SLC43A1: variants seen among roughly 807,000 people sequenced by gnomAD.
SLC43A1 encodes large neutral amino acids transporter small subunit 3.
In SLC43A1, 31 loss-of-function variants were observed where a neutral mutation model predicts 59.5. The observed-to-expected ratio is 0.52, with a 90% CI of 0.39 to 0.70. The LOEUF (loss-of-function observed/expected upper bound fraction) is 0.70, where lower values mean the gene tolerates loss of function less well. SLC43A1 is among the 30% of genes least tolerant of loss of function. The pLI is 0.00. For missense variants in SLC43A1, 598 were observed against 717.8 expected (o/e 0.83, Z 1.91); for synonymous variants, 259 against 290.9 (o/e 0.89, Z 1.12).
intron 2 of SLC43A1, among the ~76,000 whole-genome samples, chr11:57,504,065 T>C (rs60012948): frequency 0.12 from 17,528 of 151,600 alleles, 1,169 homozygotes; most frequent in African/African-American, 0.18. Flanking sequence ...GGCGTGGTGG[T>C]GGGCGCCCGT....
intron 2 of SLC43A1, among the ~76,000 whole-genome samples, chr11:57,512,774 C>A (rs538104209): frequency 3.3e-5 from 5 of 150,442 alleles, no homozygotes; most frequent in South Asian, 2.1e-4. Context: ...CCTCCAGCCC[C>A]TGTCACCCCA....
intron 12 of SLC43A1, 89 bp downstream of exon 12, chr11:57,489,162 C>A: frequency 2.6e-6 from 4 of 1,524,042 alleles, no homozygotes; most frequent in Non-Finnish European, 3.6e-6. Context: ...AAGACCAGAA[C>A]TGCGCTTCCT....
At chr11:57,485,684 G>A (rs1943709462) in intron 14 of SLC43A1, among the ~76,000 whole-genome samples, 1 of 152,216 alleles carries the variant, frequency 6.6e-6, no homozygotes, top group African/African-American at 2.4e-5. Context: ...GTGGACAGAA[G>A]GCTTGGAAGG....
chr11:57,495,459 A>AAAAT (rs963424779), intron 7 of SLC43A1, among the ~76,000 whole-genome samples: 50 of 152,132 alleles, frequency 3.3e-4, no homozygotes, highest in Admixed American at 1.1e-3. Flanking sequence ...CTCTGTCTCA[A>AAAAT]AAATAAATAA....
intron 6 of SLC43A1, 97 bp downstream of exon 6, chr11:57,497,656 G>A (rs546266343): frequency 2.6e-5 from 21 of 793,446 alleles, no homozygotes; most frequent in Admixed American, 1.2e-4. Flanking sequence ...AAAGGAGAGC[G>A]GAGAAGTCAG....
In SLC43A1 at chr11:57,494,052, C is replaced by G. The variant is rs2135167865; in HGVS notation, c.812G>C (p.Gly271Ala). The change falls in exon 8 of 15, where the codon GGT (glycine) becomes GCT (alanine). Residue 271 changes from glycine to alanine, a missense_variant. By Grantham distance (60) the Gly-to-Ala change is moderately conservative. Transcript: ENST00000278426. Reference sequence around the variant, plus strand: ...CTGGGGTGACATGAAGGCATCCGAACCGTCCTCCAGGCTGGGGGCCTTCTG... The same window carrying G: ...CTGGGGTGACATGAAGGCATCCGAAGCGTCCTCCAGGCTGGGGGCCTTCTG... The part of the protein sequence containing the change: ...LSQKAPSLED[G>A]SDAFMSPQDV... 1 of 1,611,072 alleles carries G rather than the reference C, an allele frequency of 6.2e-7. No homozygotes were observed. The highest frequency in any genetic ancestry group is 1.3e-5 in the African/African-American group (1 of 74,836).
In SLC43A1 at chr11:57,491,698, G is replaced by T. The variant is rs752344384; in HGVS notation, c.1018+18C>A. ...CCGCCTGTGCCCCCAACCCCCAGGGGCCTCAGCGGTGCCTCACCATGCTCC... is the reference window on the plus strand; with the variant it reads ...CCGCCTGTGCCCCCAACCCCCAGGGTCCTCAGCGGTGCCTCACCATGCTCC... On this transcript the variant is annotated intron_variant, in intron 9 of 14. Coordinates refer to ENST00000278426, the MANE Select transcript of SLC43A1 (RefSeq NM_003627.6). 2.5e-6 allele frequency: 4 copies of T among 1,614,250 alleles called. No homozygotes were observed. The highest frequency in any genetic ancestry group is 3.4e-6 in the Non-Finnish European group (4 of 1,180,046).
chr11:57,488,959 GA>G lies in SLC43A1; in HGVS notation c.1365del (p.Arg456GlufsTer24). The G allele has an allele frequency of 6.2e-7, 1 of 1,614,154 alleles. No individual in the cohort carries two copies. Among genetic ancestry groups the G allele is most frequent in the Non-Finnish European group, 8.5e-7 (1 of 1,179,980 alleles). ...CCACAGGCTGAGTGGAAGAAACCTC[GA>G]ACAATGGTGTGCAGGACAAAGGTCA... ...QFVTFVLHTIVRGFFHSACGS... is the reference protein window; with the variant it reads ...QFVTFVLHTIXRGFFHSACGS... On this transcript the variant is annotated frameshift_variant, in exon 13 of 15. Coordinates refer to ENST00000278426, the MANE Select transcript of SLC43A1 (RefSeq NM_003627.6). LOFTEE classifies it high-confidence loss of function.
chr11:57,500,672 G>A (rs553902183), intron 5 of SLC43A1, 107 bp downstream of exon 5: 59 of 933,828 alleles, frequency 6.3e-5, no homozygotes, highest in South Asian at 5.9e-4. Flanking sequence ...AGTGATCTGC[G>A]TCCACAGGCC....
At chr11:57,485,265 CAG>C in intron 14 of SLC43A1, 23 bp from the exon 15 acceptor site, 1 of 1,601,702 alleles carries the variant, frequency 6.2e-7, no homozygotes, top group Non-Finnish European at 8.5e-7. Context: ...GAGAGAGAAA[CAG>C]AGTCAAGTAG....
rs1944172081 is a variant in SLC43A1 at position 57,499,020 on chromosome 11, C to A, written c.466-1175G>T. Among the ~76,000 whole-genome samples, 3 of 152,210 alleles carry A rather than the reference C, an allele frequency of 2.0e-5. No individual in the cohort carries two copies. In the South Asian group the frequency reaches 6.2e-4, roughly 32 times the overall value. ...AGACTCTGAAGGGAGGCCTCAACAG[C>A]TCTGGTAAAAAAGGCGTTTAGGCCG... On this transcript the variant is annotated intron_variant, in intron 5 of 14. Transcript: ENST00000278426.
intron 7 of SLC43A1, among the ~76,000 whole-genome samples, chr11:57,494,731 G>A (rs1459400766): frequency 1.3e-5 from 2 of 152,150 alleles, no homozygotes; most frequent in Non-Finnish European, 2.9e-5. Context: ...AAGATGGGGT[G>A]CTTGATTCTT....
chr11:57,495,234 A>G (rs772491544), intron 7 of SLC43A1, among the ~76,000 whole-genome samples: 9 of 151,898 alleles, frequency 5.9e-5, no homozygotes, highest in Non-Finnish European at 1.2e-4. Flanking sequence ...CACGCCTGCA[A>G]TCCCAGCACT....
In SLC43A1 at chr11:57,513,952, G is replaced by GC; in HGVS notation, c.154+5dup. 1 of 1,558,474 alleles carries GC rather than the reference G, an allele frequency of 6.4e-7. No individual in the cohort carries two copies. The highest frequency in any genetic ancestry group is 8.8e-7 in the Non-Finnish European group (1 of 1,142,590). ...CCCAGCCCACCCAGCCCATTTTCAG[G>GC]CATACCTGGGCACGTGCTGGAATAG... On this transcript the variant is annotated splice_donor_region_variant and intron_variant, in intron 2 of 14. Coordinates refer to ENST00000278426, the MANE Select transcript of SLC43A1 (RefSeq NM_003627.6).
chr11:57,508,337 T>C lies in SLC43A1; in HGVS notation c.154+5621A>G, dbSNP rs939646137. On this transcript the variant is annotated intron_variant, in intron 2 of 14. Transcript: ENST00000278426. ...TAAGCTTCAATCACCCAACAGCACA[T>C]AGCGGAGTTGGAAGTCTGCCTCTTT... 4.6e-5 allele frequency among the ~76,000 whole-genome samples: 7 copies of C among 151,252 alleles called. No individual in the cohort carries two copies. In the East Asian group the frequency reaches 1.4e-3, roughly 29 times the overall value.
chr11:57,514,028 A>G lies in SLC43A1; in HGVS notation c.84T>C (p.Ala28=). Residue 28 remains alanine, a synonymous_variant, in exon 2 of 15, where the codon GCT becomes GCC. Coordinates refer to ENST00000278426, the MANE Select transcript of SLC43A1 (RefSeq NM_003627.6). This position sits in a 1 kb window ranked among gnomAD's most constrained non-coding sequence, Gnocchi z 5.5. ...ACAGGGAGCCCCAGCCCAGGAGTAC[A>G]GCAGAGAAGAAGAGGTTCTCCAGCA... ...TAVLENLFFS[A]VLLGWGSLLI... is the part of the protein sequence containing the mutation. 6.2e-7 allele frequency: 1 copy of G among 1,608,792 alleles called. No homozygotes were observed. The highest frequency in any genetic ancestry group is 8.5e-7 in the Non-Finnish European group (1 of 1,177,650).
intron 2 of SLC43A1, 99 bp from the exon 3 acceptor site, chr11:57,501,428 G>C (rs1245529799): frequency 4.7e-6 from 6 of 1,283,142 alleles, no homozygotes; most frequent in Non-Finnish European, 6.6e-6. Flanking sequence ...CAAATCCCAT[G>C]CCAAGTGCCT....
chr11:57,499,722 G>A (rs922452659), intron 5 of SLC43A1: 1 of 152,454 alleles, frequency 6.6e-6, no homozygotes, highest in Non-Finnish European at 1.5e-5. Flanking sequence ...GAGAGGCTGA[G>A]GGGCGGTGCC....
At chr11:57,496,642 C>G (rs189804621) in intron 6 of SLC43A1, among the ~76,000 whole-genome samples, 3 of 152,192 alleles carry the variant, frequency 2.0e-5, no homozygotes, top group Non-Finnish European at 2.9e-5. Context: ...CATGCTCAGC[C>G]TTTTCTCACC....
Sources: allele counts gnomAD v4.1 joint callset (sites outside exome capture counted in the v4.1 genomes callset), GRCh38; gene constraint gnomAD v4.1.1; non-coding constraint Gnocchi (gnomAD v3.1); transcripts MANE v1.5; gene names NCBI Gene and HGNC (gene_info 2026-07-23, HGNC 2026-07-21).